Variants in PIF1 observed in about 807,000 individuals in gnomAD.
The protein encoded by PIF1 is ATP-dependent DNA helicase PIF1.
In PIF1, 67 loss-of-function variants were observed where a neutral mutation model predicts 62.3. The ratio of observed to expected loss-of-function variants is 1.08; its 90% CI spans 0.88 to 1.32. PIF1 has a LOEUF of 1.32. PIF1 is among the 40% of genes most tolerant of loss of function. The pLI, the probability that PIF1 is intolerant of heterozygous loss-of-function variation, is 0.00. For synonymous variants in PIF1, 364 were observed against 379.5 expected, an observed-to-expected ratio of 0.96 and a Z score of 0.47; for missense variants, 886 against 866.1, an observed-to-expected ratio of 1.02 and a Z score of -0.29.
Position 64,816,650 on chromosome 15 carries a change from T to C in PIF1, c.1790A>G (p.Asp597Gly). 1 of 1,613,884 alleles carries C rather than the reference T, an allele frequency of 6.2e-7. No individual in the cohort carries two copies. Among genetic ancestry groups the C allele is most frequent in the African/African-American group, 1.3e-5 (1 of 74,982 alleles). The change falls in exon 12 of 13, where the codon GAC becomes GGC. Residue 597 changes from aspartate to glycine, a missense_variant. Coordinates refer to ENST00000559239, the MANE Select transcript of PIF1 (RefSeq NM_001286496.2). ...SLQGLRVLDFDPMAVRCDPRV... is the reference protein window; with the variant it reads ...SLQGLRVLDFGPMAVRCDPRV... ...GGGGTCACAGCGAACCGCCATGGGG[T>C]CAAAGTCCAGCACACGTAGGCCCTG...
chr15:64,821,391 A>G lies in PIF1; in HGVS notation c.947T>C (p.Phe316Ser), dbSNP rs745610487. The G allele has an allele frequency of 5.0e-6, 8 of 1,613,956 alleles. No homozygotes were observed. The highest frequency in any genetic ancestry group is 1.6e-4 in the Middle Eastern group (1 of 6,084). ...DEISMVEADL[F>S]DKLEAVARAV... is the part of the protein sequence containing the mutation. ...CCTGGCCACGGCCTCCAGTTTGTCA[A>G]ACAGGTCTGCCTCCACCATTGAGAT... Residue 316 changes from phenylalanine to serine, a missense_variant, in exon 5 of 13, where the codon TTT becomes TCT. Coordinates refer to ENST00000559239, the MANE Select transcript of PIF1 (RefSeq NM_001286496.2).
chr15:64,827,002 T>C (rs2084379206), upstream of PIF1, among the ~76,000 whole-genome samples: 1 of 152,042 alleles, frequency 6.6e-6, no homozygotes, highest in South Asian at 2.1e-4. Context: ...AATCACTCCA[T>C]GGGGCTTAGC....
Position 64,816,255 on chromosome 15 carries a change from G to C in PIF1, c.*43C>G, listed in dbSNP as rs373297439. On this transcript the variant is annotated 3_prime_UTR_variant, in exon 13 of 13. Transcript: ENST00000559239. ...GGGCCACTAGGGAGCAGGAGGACGG[G>C]GAGGCCACAGGCCACCCTTTGTCTT... 55 of 1,612,248 alleles carry C rather than the reference G, an allele frequency of 3.4e-5. No homozygotes were observed. Among genetic ancestry groups the C allele is most frequent in the Non-Finnish European group, 1.9e-5 (23 of 1,179,694 alleles).
At chr15:64,826,719 T>C (rs7180172), upstream of PIF1, among the ~76,000 whole-genome samples, 7 of 136,586 alleles carry the variant, frequency 5.1e-5, no homozygotes, top group East Asian at 4.2e-4. Context: ...CATATATATA[T>C]ACACACACAT....
rs754967185 is a variant in PIF1 at position 64,821,516 on chromosome 15, G to A, written c.822C>T (p.Ile274=). 10 of 1,598,464 alleles carry A rather than the reference G, an allele frequency of 6.3e-6. No individual in the cohort carries two copies. The highest frequency in any genetic ancestry group is 2.2e-5 in the South Asian group (2 of 89,574). Residue 274 remains isoleucine, a synonymous_variant, in exon 5 of 13, where the codon ATC becomes ATT. Transcript: ENST00000559239. ...GGGCTAGAGGAGCCTGGCCTGAGCC[G>A]ATGCCTGTGAGTGACACTATTCAGC... ...GGTTLHAFAG[I]GSGQAPLAQC...
chr15:64,823,409 G>A (rs1359505126), intron 2 of PIF1: 2 of 162,118 alleles, frequency 1.2e-5, no homozygotes, highest in East Asian at 3.5e-4. Flanking sequence ...CACCGCGCCT[G>A]GCTAATTTTT....
rs781753852 is a variant in PIF1, at chr15:64,815,974, T to C, written c.*324A>G. The C allele has an allele frequency of 6.5e-7, 1 of 1,536,200 alleles. No individual in the cohort carries two copies. The highest frequency in any genetic ancestry group is 1.2e-5 in the South Asian group (1 of 82,394). On this transcript the variant is annotated 3_prime_UTR_variant, in exon 13 of 13. Coordinates refer to ENST00000559239, the MANE Select transcript of PIF1 (RefSeq NM_001286496.2). ...CTGAAAGGAGGGATGTTCAGGACTC[T>C]GCAGCTCTGTGTCCAGCCCTTGCAG...
rs2084323887 is a variant in PIF1 at position 64,823,830 on chromosome 15, G to A, written c.506C>T (p.Thr169Ile). 2.9e-6 allele frequency: 4 copies of A among 1,368,244 alleles called. No individual in the cohort carries two copies. The highest frequency in any genetic ancestry group is 3.9e-4 in the Middle Eastern group (2 of 5,112). 84.8% of individuals were successfully genotyped at this position (1,368,244 alleles called of 1,614,324 possible). The change falls in exon 2 of 13, where the codon ACT becomes ATT. Residue 169 changes from threonine (T) to isoleucine (I), a missense_variant. Coordinates refer to ENST00000559239, the MANE Select transcript of PIF1 (RefSeq NM_001286496.2). ...CTCCACAGGCCGCTTCACCAGCGTA[G>A]TGTCCGGAACCCGGGTGGCCGCCCT... ...RLRAATRVPD[T>I]TLVKRPVEPQ...
chr15:64,824,398 C>T (rs938097765), intron 1 of PIF1, 44 bp from the exon 2 acceptor site: 8 of 1,204,326 alleles, frequency 6.6e-6, no homozygotes, highest in Non-Finnish European at 6.2e-6. Context: ...ATTCATGAGA[C>T]GTAATGGGTG....
chr15:64,826,635 T>TA (rs1595820890), upstream of PIF1, among the ~76,000 whole-genome samples: 2 of 18,874 alleles, frequency 1.1e-4, no homozygotes, highest in East Asian at 6.3e-3. Flanking sequence ...TATATATATA[T>TA]ATATATATAT....
At chr15:64,825,060 C>CGGATGGGCACCGA (rs1438891194) in intron 1 of PIF1, among the ~76,000 whole-genome samples, 1 of 151,566 alleles carries the variant, frequency 6.6e-6, no homozygotes, top group East Asian at 1.9e-4. Context: ...TCCAGAGCGG[C>CGGATGGGCACCGA]GGATGGGCAC....
At position 64,823,994 on chromosome 15, in the gene PIF1, G is replaced by A; in HGVS notation, c.342C>T (p.Arg114=). 7.7e-7 allele frequency: 1 copy of A among 1,300,022 alleles called. No homozygotes were observed. The highest frequency in any genetic ancestry group is 9.8e-7 in the Non-Finnish European group (1 of 1,024,278). 80.5% of individuals were successfully genotyped at this position (1,300,022 alleles called of 1,614,324 possible). A position where few individuals can be genotyped will look rare whatever the true frequency, so the allele number is the denominator to read the frequency against. ...TGAGGCGCAATGTGCGCAGGAAGCG[G>A]CGCAGGCGGTCTGGGGGGCAGTCCG... The part of the protein sequence containing the change: ...LLSDCPPDRL[R]RFLRTLRLKL... The change falls in exon 2 of 13, where the codon CGC becomes CGT. Residue 114 remains arginine (R), a synonymous_variant. Coordinates refer to ENST00000559239, the MANE Select transcript of PIF1 (RefSeq NM_001286496.2).
chr15:64,823,845 G>C lies in PIF1; in HGVS notation c.491C>G (p.Thr164Ser). The change falls in exon 2 of 13, where the codon ACC becomes AGC. Residue 164 changes from threonine (T) to serine (S), a missense_variant. Coordinates refer to ENST00000559239, the MANE Select transcript of PIF1 (RefSeq NM_001286496.2). ...QPEERRLRAA[T>S]RVPDTTLVKR... ...CACCAGCGTAGTGTCCGGAACCCGGGTGGCCGCCCTGAGCCGCCGCTCCTC... is the reference window on the plus strand; with the variant it reads ...CACCAGCGTAGTGTCCGGAACCCGGCTGGCCGCCCTGAGCCGCCGCTCCTC... 2.9e-6 allele frequency: 4 copies of C among 1,380,054 alleles called. No individual in the cohort carries two copies. The highest frequency in any genetic ancestry group is 3.8e-6 in the Non-Finnish European group (4 of 1,056,104). The allele number at this position is 1,380,054 out of a possible 1,614,324, so 85.5% of individuals were successfully genotyped here.
chr15:64,817,507 T>A (rs1410422685), intron 11 of PIF1, among the ~76,000 whole-genome samples: 8 of 151,104 alleles, frequency 5.3e-5, no homozygotes, highest in Non-Finnish European at 1.5e-5. Flanking sequence ...ATCACTGCAC[T>A]CCAGCCTGGG....
intron 1 of PIF1, among the ~76,000 whole-genome samples, chr15:64,824,865 ATATG>A (rs1421145479): frequency 8.2e-6 from 1 of 122,376 alleles, no homozygotes; most frequent in Non-Finnish European, 1.8e-5. Context: ...TACATTATAT[ATATG>A]TGTGTGTGTG....
upstream of PIF1, among the ~76,000 whole-genome samples, chr15:64,827,053 T>C (rs1595821236): frequency 6.6e-6 from 1 of 152,044 alleles, no homozygotes; most frequent in African/African-American, 2.4e-5. Context: ...CGGTAGAGGG[T>C]GATGACTGAA....
In PIF1 at chr15:64,819,179, C is replaced by G. The variant is rs866674938; in HGVS notation, c.1378G>C (p.Ala460Pro). The change falls in exon 9 of 13, where the codon GCC (alanine) becomes CCC (proline). Residue 460 changes from alanine to proline, a missense_variant. Physicochemically the swap from Ala to Pro is conservative, Grantham distance 27. Transcript: ENST00000559239. The stretch of plus-strand genomic sequence containing the variant: ...GGACACTGGGCATCCAGGGTACTGG[C>G]CAGCTCAGGGTTGCTGTCCATAGCC... ...FEAMDSNPELASTLDAQCPVS... is the reference protein window; with the variant it reads ...FEAMDSNPELPSTLDAQCPVS... The G allele has an allele frequency of 3.7e-6, 6 of 1,602,640 alleles. No homozygotes were observed. The African/African-American group carries it at 6.8e-5, about 18-fold the overall frequency.
chr15:64,820,926 G>A lies in PIF1; in HGVS notation c.1193+56C>T, dbSNP rs1339011870. 6 of 1,467,658 alleles carry A rather than the reference G, an allele frequency of 4.1e-6. No homozygotes were observed. The Admixed American group carries it at 1.0e-4, about 25-fold the overall frequency. 90.9% of individuals were successfully genotyped at this position (1,467,658 alleles called of 1,614,324 possible). On this transcript the variant is annotated intron_variant, in intron 7 of 12. Coordinates refer to ENST00000559239, the MANE Select transcript of PIF1 (RefSeq NM_001286496.2). ...TGTGAGTCCCTCTCTGTGTTCCACT[G>A]TGGCCCATGCCTGGATCCTCATCCC...
At position 64,824,177 on chromosome 15, in the gene PIF1, C is replaced by A; in HGVS notation, c.159G>T (p.Leu53Phe). Residue 53 changes from leucine to phenylalanine, a missense_variant, in exon 2 of 13, where the codon TTG (leucine) becomes TTT (phenylalanine). By Grantham distance (22) the Leu-to-Phe change is conservative. Transcript: ENST00000559239. ...LSLGRNERRE[L>F]MLRLQAPGPA... ...GCCCTGGCGCTTGCAGCCGCAGCATCAACTCGCGGCGCTCGTTGCGACCCA... is the reference window on the plus strand; with the variant it reads ...GCCCTGGCGCTTGCAGCCGCAGCATAAACTCGCGGCGCTCGTTGCGACCCA... 1 of 1,334,942 alleles carries A rather than the reference C, an allele frequency of 7.5e-7. No homozygotes were observed. Among genetic ancestry groups the A allele is most frequent in the Non-Finnish European group, 9.6e-7 (1 of 1,039,766 alleles). 82.7% of individuals were successfully genotyped at this position (1,334,942 alleles called of 1,614,324 possible). A position where few individuals can be genotyped will look rare whatever the true frequency, so the allele number is the denominator to read the frequency against.
Sources: allele counts gnomAD v4.1 joint callset (sites outside exome capture counted in the v4.1 genomes callset), GRCh38; gene constraint gnomAD v4.1.1; transcripts MANE v1.5; gene names NCBI Gene and HGNC (gene_info 2026-07-23, HGNC 2026-07-21).